ABHD2: variants seen among roughly 807,000 people sequenced by gnomAD.
ABHD2 encodes the protein abhydrolase domain containing 2, acylglycerol lipase, also known as monoacylglycerol lipase ABHD2.
ABHD2 carries 20 observed loss-of-function variants against 48.1 expected under a neutral mutation model. The ratio of observed to expected loss-of-function variants is 0.42; its 90% confidence interval spans 0.29 to 0.60. The LOEUF is 0.60. Ranked by LOEUF, ABHD2 falls within the 20% of genes least tolerant of loss-of-function variation. The pLI is 0.24. For missense variants in ABHD2, 405 were observed against 550.9 expected (o/e 0.74, Z 2.65); for synonymous variants, 209 against 214.2 (o/e 0.98, Z 0.21).
chr15:89,121,458 C>CTT (rs372991470), intron 3 of ABHD2, among the ~76,000 whole-genome samples: 1 of 144,138 alleles, frequency 6.9e-6, no homozygotes, highest in South Asian at 2.2e-4. Flanking sequence ...CTCCCTTTGG[C>CTT]TTTTTTTTTT....
rs8029350 is a variant in ABHD2 at position 89,195,405 on chromosome 15, G to A, written c.1260G>A (p.Val420=). The A allele has an allele frequency of 4.1e-3, 6,623 of 1,613,840 alleles. 221 individuals are homozygous for A. In the African/African-American group the frequency reaches 0.074, roughly 18 times the overall value. ...TGCAGTGCTCTGACACGGAGCAGGTGGAGGCCGACCTGGAGTGAGGCCTCC... is the reference window on the plus strand; with the variant it reads ...TGCAGTGCTCTGACACGGAGCAGGTAGAGGCCGACCTGGAGTGAGGCCTCC... ...NKLQCSDTEQ[V]EADLE is the part of the protein sequence containing the mutation. Residue 420 remains valine (V), a synonymous_variant, in exon 11 of 11, where the codon GTG becomes GTA. Coordinates refer to ENST00000352732, the MANE Select transcript of ABHD2 (RefSeq NM_152924.5). This position sits in a 1 kb window ranked among gnomAD's most constrained non-coding sequence, Gnocchi z 5.1.
At chr15:89,138,888 A>G (rs1280453712) in intron 3 of ABHD2, among the ~76,000 whole-genome samples, 2 of 151,884 alleles carry the variant, frequency 1.3e-5, no homozygotes, top group African/African-American at 2.4e-5. Context: ...TCATTTTTAA[A>G]ACGGGGAAGA....
chr15:89,054,281 C>T, the ABHD2 span, among the ~76,000 whole-genome samples: 6 of 150,442 alleles, frequency 4.0e-5, no homozygotes, highest in South Asian at 4.2e-4. Flanking sequence ...GAGATAGCAC[C>T]GCTACACTCC....
Position 89,188,349 on chromosome 15 carries a change from A to G in ABHD2, c.926+46A>G. 1 of 1,556,408 alleles carries G rather than the reference A, an allele frequency of 6.4e-7. No individual in the cohort carries two copies. Among genetic ancestry groups the G allele is most frequent in the Non-Finnish European group, 8.9e-7 (1 of 1,129,630 alleles). ...GAGGGACGCTCTGGGGCAGGGTGCC[A>G]GGCAGGAGGCTGCAGGTCAGCTGTG... On this transcript the variant is annotated intron_variant, in intron 8 of 10. Transcript: ENST00000352732. The surrounding 1 kb of genome is among the most constrained non-coding windows in gnomAD (Gnocchi z 4.1).
At chr15:89,123,038 C>G (rs575231772) in intron 3 of ABHD2, among the ~76,000 whole-genome samples, 68 of 152,328 alleles carry the variant, frequency 4.5e-4, no homozygotes, top group African/African-American at 1.5e-3. Context: ...TAATCGCTTT[C>G]TTCTGCAACC....
the ABHD2 span, among the ~76,000 whole-genome samples, chr15:89,063,361 A>G: frequency 6.6e-6 from 1 of 152,176 alleles, no homozygotes; most frequent in Admixed American, 6.5e-5. Flanking sequence ...GCTCATAACC[A>G]AAACTCCTAG....
chr15:89,061,065 G>C, the ABHD2 span, among the ~76,000 whole-genome samples: 331 of 152,196 alleles, frequency 2.2e-3, 2 homozygotes, highest in East Asian at 0.017. Flanking sequence ...GATGGAAACA[G>C]ACACTGGGGA....
chr15:89,162,865 T>A (rs1415549562), intron 5 of ABHD2, among the ~76,000 whole-genome samples: 1 of 152,240 alleles, frequency 6.6e-6, no homozygotes, highest in East Asian at 1.9e-4. Flanking sequence ...TCGCACTCCC[T>A]GCTGTAGTTC....
At chr15:89,071,886 A>G in the ABHD2 span, among the ~76,000 whole-genome samples, 48 of 152,298 alleles carry the variant, frequency 3.2e-4, no homozygotes, top group African/African-American at 1.1e-3. Context: ...TTTTTGGCCA[A>G]TGGAAGTGGT....
intron 1 of ABHD2, among the ~76,000 whole-genome samples, chr15:89,110,573 T>C (rs1266810997): frequency 2.6e-5 from 4 of 152,108 alleles, no homozygotes; most frequent in Non-Finnish European, 5.9e-5. Flanking sequence ...CTGGTTAAAA[T>C]GAGAATTTAC....
In ABHD2 at chr15:89,173,136, G is replaced by A. The variant is rs1254038207; in HGVS notation, c.539-2676G>A. ...GGGATTTCTAAATTTTTTATTTGTTGCGTGGTGTAGAAGCTGATATCAGCT... is the reference window on the plus strand; with the variant it reads ...GGGATTTCTAAATTTTTTATTTGTTACGTGGTGTAGAAGCTGATATCAGCT... On this transcript the variant is annotated intron_variant, in intron 5 of 10. Transcript: ENST00000352732. The surrounding 1 kb of genome is among the most constrained non-coding windows in gnomAD (Gnocchi z 6.5). Among the ~76,000 whole-genome samples the A allele has an allele frequency of 1.3e-5, 2 of 152,230 alleles. No homozygotes were observed. Among genetic ancestry groups the A allele is most frequent in the African/African-American group, 4.8e-5 (2 of 41,460 alleles).
intron 5 of ABHD2, among the ~76,000 whole-genome samples, chr15:89,172,157 C>T (rs773484687): frequency 2.2e-4 from 34 of 152,126 alleles, no homozygotes; most frequent in Middle Eastern, 3.4e-3. Flanking sequence ...ATAAAATGTA[C>T]ATAACAAAAT....
At chr15:89,127,337 A>G (rs1382753392) in intron 3 of ABHD2, among the ~76,000 whole-genome samples, 1 of 152,094 alleles carries the variant, frequency 6.6e-6, no homozygotes, top group African/African-American at 2.4e-5. Flanking sequence ...AATCCAAAAC[A>G]TTTGGGAACC....
In ABHD2 at chr15:89,146,933, A is replaced by T. The variant is rs900011103; in HGVS notation, c.195-4744A>T. 6.6e-6 allele frequency among the ~76,000 whole-genome samples: 1 copy of T among 152,236 alleles called. No individual in the cohort carries two copies. Among genetic ancestry groups the T allele is most frequent in the Non-Finnish European group, 1.5e-5 (1 of 68,042 alleles). On this transcript the variant is annotated intron_variant, in intron 3 of 10. Transcript: ENST00000352732. The surrounding 1 kb of genome is among the most constrained non-coding windows in gnomAD (Gnocchi z 4.2). ...TAGAACTAAACAAGCTAATCCTATA[A>T]TTAATCTGGAAAATAAAATGCTGAA...
intron 2 of ABHD2, among the ~76,000 whole-genome samples, chr15:89,115,939 G>A (rs2049952996): frequency 6.6e-6 from 1 of 152,208 alleles, no homozygotes; most frequent in African/African-American, 2.4e-5. Flanking sequence ...AGGATGACCT[G>A]TTAACAAAAA....
chr15:89,161,264 G>T (rs941794636), intron 5 of ABHD2, among the ~76,000 whole-genome samples: 4 of 152,162 alleles, frequency 2.6e-5, no homozygotes, highest in Admixed American at 2.6e-4. Context: ...ATATGCAGAA[G>T]TAGGGAGAAT....
chr15:89,041,520 T>A, the ABHD2 span, among the ~76,000 whole-genome samples: 3,860 of 152,336 alleles, frequency 0.025, 143 homozygotes, highest in African/African-American at 0.086. Flanking sequence ...TCTACTGCAG[T>A]GACTCTTAGT....
intron 10 of ABHD2, among the ~76,000 whole-genome samples, chr15:89,193,870 G>A (rs1274608905): frequency 2.0e-5 from 3 of 149,076 alleles, no homozygotes; most frequent in African/African-American, 5.0e-5. Flanking sequence ...GCAGTGAGCC[G>A]AGATCACGCC....
At chr15:89,041,567 C>T in the ABHD2 span, among the ~76,000 whole-genome samples, 38 of 152,334 alleles carry the variant, frequency 2.5e-4, no homozygotes, top group East Asian at 6.9e-3. Flanking sequence ...AGTGTGAATC[C>T]GGCCTTGGCT....
Sources: allele counts gnomAD v4.1 joint callset (sites outside exome capture counted in the v4.1 genomes callset), GRCh38; gene constraint gnomAD v4.1.1; non-coding constraint Gnocchi (gnomAD v3.1); transcripts MANE v1.5; gene names NCBI Gene and HGNC (gene_info 2026-07-23, HGNC 2026-07-21).